Variants in LAMA2 observed in about 807,000 individuals in gnomAD.
LAMA2 encodes the protein laminin subunit alpha 2.
Under a neutral mutation model 364.8 loss-of-function variants are expected in LAMA2, and 269 were observed. That is an observed-to-expected ratio of 0.74 (90% confidence interval 0.67 to 0.82). The LOEUF is 0.82. Among genes scored for constraint, LAMA2 ranks in the 40% least tolerant of loss-of-function variants. LAMA2 has a pLI of 0.00. For synonymous variants in LAMA2, 1,379 were observed against 1,370.6 expected, an observed-to-expected ratio of 1.01 and a Z score of -0.14; for missense variants, 3,807 against 3,873.2, an observed-to-expected ratio of 0.98 and a Z score of 0.45.
At chr6:129,123,330 A>G (rs1776916487) in intron 4 of LAMA2, among the ~76,000 whole-genome samples, 6 of 151,310 alleles carry the variant, frequency 4.0e-5, no homozygotes, top group Admixed American at 2.6e-4. Context: ...AGGAACTACC[A>G]TATGATCCAG....
chr6:129,099,264 C>G (rs1365968855), intron 4 of LAMA2, among the ~76,000 whole-genome samples: 1 of 151,444 alleles, frequency 6.6e-6, no homozygotes, highest in African/African-American at 2.4e-5. Context: ...GGATTAAATG[C>G]ATTATTGTAT....
chr6:129,293,939 G>C (rs1789898732), intron 20 of LAMA2, among the ~76,000 whole-genome samples: 1 of 152,170 alleles, frequency 6.6e-6, no homozygotes, highest in African/African-American at 2.4e-5. Context: ...TAAATTCCTT[G>C]AATCTTTCTG....
chr6:129,468,514 C>A (rs956356032), intron 51 of LAMA2, among the ~76,000 whole-genome samples: 1 of 151,704 alleles, frequency 6.6e-6, no homozygotes, highest in African/African-American at 2.4e-5. Flanking sequence ...AGAAAAGCAT[C>A]GAAGCTGCAA....
chr6:128,962,351 A>G lies in LAMA2; in HGVS notation c.112+78994A>G, dbSNP rs76826525. Among the ~76,000 whole-genome samples the G allele has an allele frequency of 3.0e-4, 45 of 151,620 alleles. No homozygotes were observed. In the East Asian group the frequency reaches 5.7e-3, roughly 19 times the overall value. On this transcript the variant is annotated intron_variant, in intron 1 of 64. Transcript: ENST00000421865. ...ACAAACAGAATATGATATTACTTTC[A>G]TACCTCTATTTTTGATAGTCTGTGA...
At chr6:129,176,541 GTTTT>G (rs1317647841) in intron 9 of LAMA2, among the ~76,000 whole-genome samples, 5 of 151,760 alleles carry the variant, frequency 3.3e-5, no homozygotes, top group African/African-American at 1.2e-4. Flanking sequence ...GACTTTTAAA[GTTTT>G]TATTTCCAAT....
intron 55 of LAMA2, among the ~76,000 whole-genome samples, chr6:129,482,224 G>A (rs535310349): frequency 1.3e-3 from 202 of 152,188 alleles, no homozygotes; most frequent in Non-Finnish European, 2.1e-3. Context: ...AGCTGTTCAC[G>A]CCACCACACT....
rs376172340 is a variant in LAMA2 at position 129,133,843 on chromosome 6, TAC to T, written c.640-10046_640-10045del. Among the ~76,000 whole-genome samples the T allele has an allele frequency of 5.9e-5, 9 of 151,594 alleles. No homozygotes were observed. In the East Asian group the frequency reaches 7.8e-4, roughly 13 times the overall value. On this transcript the variant is annotated intron_variant, in intron 4 of 64. Coordinates refer to ENST00000421865, the MANE Select transcript of LAMA2 (RefSeq NM_000426.4). ...GCTTTTCATTTGTGTACTCGTAAAA[TAC>T]ACACACACACAGAGACAATTCAACA...
In LAMA2 at chr6:129,512,416, A is replaced by G. The variant is rs749526093; in HGVS notation, c.8911A>G (p.Thr2971Ala). 5.0e-6 allele frequency: 8 copies of G among 1,613,506 alleles called. No individual in the cohort carries two copies. The South Asian group carries it at 7.7e-5, about 16-fold the overall frequency. The stretch of plus-strand genomic sequence containing the variant: ...TCTTGTAGAATTTGAATTCCGCACA[A>G]CTACAACGACTGGAGTTCTTCTGGG... ...DLLVEFEFRTTTTTGVLLGIS... is the reference protein window; with the variant it reads ...DLLVEFEFRTATTTGVLLGIS... The change falls in exon 63 of 65, where the codon ACT becomes GCT. Residue 2971 changes from threonine to alanine, a missense_variant. Around this residue, in one of 3 missense-constraint regions of LAMA2, gnomAD observed 3,333 missense variants for 3,345.7 expected, o/e 1.00. Transcript: ENST00000421865.
chr6:129,360,394 A>G (rs116438503), intron 32 of LAMA2, among the ~76,000 whole-genome samples: 69 of 152,278 alleles, frequency 4.5e-4, no homozygotes, highest in African/African-American at 1.6e-3. Context: ...GGTGTAAGTG[A>G]AATATTTTGT....
intron 1 of LAMA2, among the ~76,000 whole-genome samples, chr6:128,996,067 G>C (rs1038975617): frequency 2.0e-5 from 3 of 152,166 alleles, no homozygotes; most frequent in Non-Finnish European, 2.9e-5. Flanking sequence ...GAGGCAGACA[G>C]TAACTAAACA....
chr6:128,909,788 C>A (rs1441425364), intron 1 of LAMA2, among the ~76,000 whole-genome samples: 1 of 151,988 alleles, frequency 6.6e-6, no homozygotes, highest in African/African-American at 2.4e-5. Flanking sequence ...TTGTTCCTTT[C>A]CATGTTTAGT....
intron 12 of LAMA2, among the ~76,000 whole-genome samples, chr6:129,224,454 C>T (rs1184891525): frequency 6.6e-6 from 1 of 152,050 alleles, no homozygotes; most frequent in Non-Finnish European, 1.5e-5. Context: ...CCAGTTTTTG[C>T]CCATTCAGTA....
At chr6:128,960,025 T>C (rs1369013704) in intron 1 of LAMA2, among the ~76,000 whole-genome samples, 1 of 152,194 alleles carries the variant, frequency 6.6e-6, no homozygotes, top group Non-Finnish European at 1.5e-5. Flanking sequence ...AGTTTTATGA[T>C]TTTTCACATT....
At chr6:128,979,419 C>G (rs536314395) in intron 1 of LAMA2, among the ~76,000 whole-genome samples, 2 of 152,246 alleles carry the variant, frequency 1.3e-5, no homozygotes, top group Non-Finnish European at 2.9e-5. Flanking sequence ...AAAATATGGA[C>G]TGCTTTGATT....
chr6:129,050,814 A>T (rs1169083298), intron 2 of LAMA2, among the ~76,000 whole-genome samples: 1 of 152,198 alleles, frequency 6.6e-6, no homozygotes, highest in African/African-American at 2.4e-5. Flanking sequence ...AAGGCATTTA[A>T]CAACCACAGG....
chr6:129,406,437 G>A (rs968135336), intron 40 of LAMA2, among the ~76,000 whole-genome samples: 5 of 151,994 alleles, frequency 3.3e-5, no homozygotes, highest in African/African-American at 1.2e-4. Context: ...TATTGGTGTC[G>A]GGTGAGGAAA....
chr6:129,163,214 G>T (rs1779545661), intron 8 of LAMA2, among the ~76,000 whole-genome samples: 1 of 151,950 alleles, frequency 6.6e-6, no homozygotes, highest in Non-Finnish European at 1.5e-5. Flanking sequence ...GGCGTTCATT[G>T]TATCTGAGGC....
At position 129,059,882 on chromosome 6, in the gene LAMA2, C is replaced by T; in HGVS notation, c.382C>T (p.Leu128=). The change falls in exon 3 of 65, where the codon CTG becomes TTG. Residue 128 remains leucine (L), a synonymous_variant. Coordinates refer to ENST00000421865, the MANE Select transcript of LAMA2 (RefSeq NM_000426.4). ...GIEYHYVTIT[L]DLQQVFQIAY... ...CGAATACCATTATGTGACAATTACC[C>T]TGGATTTACAGCAGGTATAGTTCCT... 1.3e-6 allele frequency: 2 copies of T among 1,531,816 alleles called. No homozygotes were observed. 94.9% of individuals were successfully genotyped at this position (1,531,816 alleles called of 1,614,324 possible). A position where few individuals can be genotyped will look rare whatever the true frequency, so the allele number is the denominator to read the frequency against.
At chr6:129,496,307 C>T (rs985597831) in intron 58 of LAMA2, among the ~76,000 whole-genome samples, 11 of 152,086 alleles carry the variant, frequency 7.2e-5, no homozygotes, top group Admixed American at 2.6e-4. Context: ...GCTGGGATTA[C>T]GGGCATGCAC....
Sources: gnomAD v4.1 joint callset for allele counts (sites outside exome capture counted in the v4.1 genomes callset) on GRCh38, gnomAD v4.1.1 for gene constraint, gnomAD v4.1.1 regional missense constraint, MANE v1.5 for transcripts, NCBI Gene and HGNC (gene_info 2026-07-23, HGNC 2026-07-21) for gene names.